AGPAT4: variants seen among roughly 807,000 people sequenced by gnomAD.
The protein encoded by AGPAT4 is 1-acyl-sn-glycerol-3-phosphate acyltransferase delta.
AGPAT4 carries 15 observed loss-of-function variants against 48.0 expected under a neutral mutation model. The observed-to-expected ratio is 0.31, with a 90% CI of 0.21 to 0.48. The LOEUF (loss-of-function observed/expected upper bound fraction) is 0.48, where lower values mean the gene tolerates loss of function less well. Among genes scored for constraint, AGPAT4 ranks in the 20% least tolerant of loss-of-function variants. AGPAT4 has a pLI of 0.99. For synonymous variants in AGPAT4, 178 were observed against 198.7 expected, an observed-to-expected ratio of 0.90 and a Z score of 0.88; for missense variants, 314 against 482.5, an observed-to-expected ratio of 0.65 and a Z score of 3.27.
In AGPAT4 at chr6:161,198,789, C is replaced by T. The variant is rs7770491; in HGVS notation, c.179-32372G>A. 0.19 allele frequency among the ~76,000 whole-genome samples: 28,213 copies of T among 152,084 alleles called. 4,831 individuals are homozygous for T. Among genetic ancestry groups the T allele is most frequent in the African/African-American group, 0.46 (18,987 of 41,446 alleles). On this transcript the variant is annotated intron_variant, in intron 2 of 8. Coordinates refer to ENST00000320285, the MANE Select transcript of AGPAT4 (RefSeq NM_020133.3). This position sits in a 1 kb window ranked among gnomAD's most constrained non-coding sequence, Gnocchi z 4.3. ...CACTGACGGAGTGCGTGAATGTTAA[C>T]AGGGAAACTGACCTGGAACGTATAT... is the stretch of plus-strand genomic sequence containing the variant.
chr6:161,167,747 C>T (rs1780147275), intron 2 of AGPAT4, among the ~76,000 whole-genome samples: 1 of 152,204 alleles, frequency 6.6e-6, no homozygotes, highest in African/African-American at 2.4e-5. Context: ...CATCACAGTC[C>T]AGTTTTTACG....
rs1222773758 is a variant in AGPAT4, at chr6:161,259,835, T to G, written c.-90+14103A>C. On this transcript the variant is annotated intron_variant, in intron 1 of 8. Transcript: ENST00000320285. The surrounding 1 kb of genome is among the most constrained non-coding windows in gnomAD (Gnocchi z 4.9). The stretch of plus-strand genomic sequence containing the variant: ...CCGGACAGGGGTCCACTTTTTACAA[T>G]GTCAGCACCTAGCTCCATGGTATCT... Among the ~76,000 whole-genome samples the G allele has an allele frequency of 6.6e-6, 1 of 152,120 alleles. No individual in the cohort carries two copies. The highest frequency in any genetic ancestry group is 1.5e-5 in the Non-Finnish European group (1 of 68,030).
rs1411685003 is a variant in AGPAT4, at chr6:161,130,539, G to A, written c.*6001C>T. Reference sequence around the variant, plus strand: ...CCTGGGTACAATTGATACAGGCTGAGAAGTAAGAATTCACTGTTCACTTAG... The same window carrying A: ...CCTGGGTACAATTGATACAGGCTGAAAAGTAAGAATTCACTGTTCACTTAG... On this transcript the variant is annotated 3_prime_UTR_variant, in exon 9 of 9. Transcript: ENST00000320285. 2 of 185,498 alleles carry A rather than the reference G, an allele frequency of 1.1e-5. No individual in the cohort carries two copies. Among genetic ancestry groups the A allele is most frequent in the Non-Finnish European group, 2.3e-5 (2 of 86,756 alleles). The allele number at this position is 185,498 out of a possible 1,614,324, so 11.5% of individuals were successfully genotyped here. A position where few individuals can be genotyped will look rare whatever the true frequency, so the allele number is the denominator to read the frequency against.
rs1308007485 is a variant in AGPAT4, at chr6:161,161,364, G to A, written c.348+4884C>T. Reference sequence around the variant, plus strand: ...TGGCCAGTGGTTCGCCTGCTACCTCGGTCGTCACCATTATCGGGTTCCTCA... The same window carrying A: ...TGGCCAGTGGTTCGCCTGCTACCTCAGTCGTCACCATTATCGGGTTCCTCA... On this transcript the variant is annotated intron_variant, in intron 3 of 8. Transcript: ENST00000320285. This position sits in a 1 kb window ranked among gnomAD's most constrained non-coding sequence, Gnocchi z 4.6. 8 of 456,572 alleles carry A rather than the reference G, an allele frequency of 1.8e-5. No individual in the cohort carries two copies. Among genetic ancestry groups the A allele is most frequent in the South Asian group, 4.6e-5 (3 of 64,572 alleles). 28.3% of individuals were successfully genotyped at this position (456,572 alleles called of 1,614,324 possible).
chr6:161,257,756 A>G (rs1249222322), intron 1 of AGPAT4, among the ~76,000 whole-genome samples: 1 of 152,206 alleles, frequency 6.6e-6, no homozygotes, highest in African/African-American at 2.4e-5. Context: ...AAAAAAAAGG[A>G]AAGACAGCGT....
chr6:161,131,677 T>A lies in AGPAT4; in HGVS notation c.*4863A>T, dbSNP rs1481630508. 2.0e-5 allele frequency: 3 copies of A among 152,136 alleles called. No individual in the cohort carries two copies. Among genetic ancestry groups the A allele is most frequent in the Non-Finnish European group, 4.4e-5 (3 of 68,018 alleles). The allele number at this position is 152,136 out of a possible 1,614,324, so 9.4% of individuals were successfully genotyped here. A position where few individuals can be genotyped will look rare whatever the true frequency, so the allele number is the denominator to read the frequency against. On this transcript the variant is annotated 3_prime_UTR_variant, in exon 9 of 9. Transcript: ENST00000320285. ...GAGGAGACACACTATGTAGGTGCAA[T>A]TTCTGATTTCTTAGTTTTTGACCAA...
intron 2 of AGPAT4, among the ~76,000 whole-genome samples, chr6:161,227,120 T>C (rs1782002076): frequency 6.6e-6 from 1 of 152,128 alleles, no homozygotes; most frequent in African/African-American, 2.4e-5. Flanking sequence ...AGTGAATCAG[T>C]CTGCTAGTGT....
At chr6:161,185,724 C>T (rs112974913) in intron 2 of AGPAT4, among the ~76,000 whole-genome samples, 2,337 of 152,230 alleles carry the variant, frequency 0.015, 55 homozygotes, top group African/African-American at 0.053. Context: ...ATGATCATCA[C>T]GGCAGAGGCA....
At position 161,133,776 on chromosome 6, in the gene AGPAT4, G is replaced by A. The variant is rs11759408; in HGVS notation, c.*2764C>T. The stretch of plus-strand genomic sequence containing the variant: ...AACTACAGAACAGGCTCTCAGTAGC[G>A]TGATAAGCTTTAAGCTAGAATGAGA... On this transcript the variant is annotated 3_prime_UTR_variant, in exon 9 of 9. Transcript: ENST00000320285. 5,320 of 152,334 alleles carry A rather than the reference G, an allele frequency of 0.035. 135 individuals carry two copies. The highest frequency in any genetic ancestry group is 0.085 in the South Asian group (411 of 4,834). The allele number at this position is 152,334 out of a possible 1,614,324, so 9.4% of individuals were successfully genotyped here. A position where few individuals can be genotyped will look rare whatever the true frequency, so the allele number is the denominator to read the frequency against.
intron 2 of AGPAT4, among the ~76,000 whole-genome samples, chr6:161,194,100 A>G (rs1780997900): frequency 6.6e-6 from 1 of 152,236 alleles, no homozygotes; most frequent in Non-Finnish European, 1.5e-5. Context: ...AAACTGAGAT[A>G]AGCTGTAGGC....
In AGPAT4 at chr6:161,245,729, G is replaced by A. The variant is rs1405257678; in HGVS notation, c.-89-13427C>T. Among the ~76,000 whole-genome samples, 1 of 152,096 alleles carries A rather than the reference G, an allele frequency of 6.6e-6. No individual in the cohort carries two copies. Among genetic ancestry groups the A allele is most frequent in the East Asian group, 1.9e-4 (1 of 5,182 alleles). On this transcript the variant is annotated intron_variant, in intron 1 of 8. Transcript: ENST00000320285. The surrounding 1 kb of genome is among the most constrained non-coding windows in gnomAD (Gnocchi z 5.2). ...AGTGCCCTCAATCCTTGAGTTCTTGGAGATCCTGTCATTGCCAATCCTAGT... is the reference window on the plus strand; with the variant it reads ...AGTGCCCTCAATCCTTGAGTTCTTGAAGATCCTGTCATTGCCAATCCTAGT...
chr6:161,156,044 G>A (rs1331233886), intron 3 of AGPAT4, among the ~76,000 whole-genome samples: 2 of 152,222 alleles, frequency 1.3e-5, no homozygotes, highest in Non-Finnish European at 2.9e-5. Context: ...GTTGGCCTCT[G>A]ATGACCTGCT....
rs752947512 is a variant in AGPAT4, at chr6:161,140,365, G to A, written c.844-745C>T. The stretch of plus-strand genomic sequence containing the variant: ...CTTCCACTAAGCAGATCCTTAGTGG[G>A]AACCATGTACTCATCCACATCCACC... On this transcript the variant is annotated intron_variant, in intron 7 of 8. Coordinates refer to ENST00000320285, the MANE Select transcript of AGPAT4 (RefSeq NM_020133.3). The surrounding 1 kb of genome is among the most constrained non-coding windows in gnomAD (Gnocchi z 6.5). 6.6e-6 allele frequency among the ~76,000 whole-genome samples: 1 copy of A among 152,204 alleles called. No homozygotes were observed. Among genetic ancestry groups the A allele is most frequent in the Non-Finnish European group, 1.5e-5 (1 of 68,024 alleles).
In AGPAT4 at chr6:161,259,211, A is replaced by C. The variant is rs1026324242; in HGVS notation, c.-90+14727T>G. Reference sequence around the variant, plus strand: ...TTAAATGAAGCTCGCTAACGTATCGATCACTTCCCATACTTATTTTTCTTA... The same window carrying C: ...TTAAATGAAGCTCGCTAACGTATCGCTCACTTCCCATACTTATTTTTCTTA... On this transcript the variant is annotated intron_variant, in intron 1 of 8. Coordinates refer to ENST00000320285, the MANE Select transcript of AGPAT4 (RefSeq NM_020133.3). This position sits in a 1 kb window ranked among gnomAD's most constrained non-coding sequence, Gnocchi z 4.9. Among the ~76,000 whole-genome samples, 1 of 152,182 alleles carries C rather than the reference A, an allele frequency of 6.6e-6. No individual in the cohort carries two copies. Among genetic ancestry groups the C allele is most frequent in the Non-Finnish European group, 1.5e-5 (1 of 68,022 alleles).
chr6:161,221,801 C>G lies in AGPAT4; in HGVS notation c.178+10235G>C, dbSNP rs1469957273. Among the ~76,000 whole-genome samples, 3 of 152,150 alleles carry G rather than the reference C, an allele frequency of 2.0e-5. No individual in the cohort carries two copies. Among genetic ancestry groups the G allele is most frequent in the Non-Finnish European group, 4.4e-5 (3 of 68,028 alleles). ...CTTGGCTTGCAGGGGATATTGTCCTCGTATCTTCACATCGTCTTCCTCTCT... is the reference window on the plus strand; with the variant it reads ...CTTGGCTTGCAGGGGATATTGTCCTGGTATCTTCACATCGTCTTCCTCTCT... On this transcript the variant is annotated intron_variant, in intron 2 of 8. Coordinates refer to ENST00000320285, the MANE Select transcript of AGPAT4 (RefSeq NM_020133.3). This position sits in a 1 kb window ranked among gnomAD's most constrained non-coding sequence, Gnocchi z 4.5.
At chr6:161,260,045 G>T (rs899451590) in intron 1 of AGPAT4, among the ~76,000 whole-genome samples, 1 of 152,126 alleles carries the variant, frequency 6.6e-6, no homozygotes, top group Admixed American at 6.5e-5. Flanking sequence ...AACAAGCCAA[G>T]AACAGCATGT....
At chr6:161,253,080 G>T (rs1244606368) in intron 1 of AGPAT4, among the ~76,000 whole-genome samples, 1 of 151,116 alleles carries the variant, frequency 6.6e-6, no homozygotes, top group Non-Finnish European at 1.5e-5. Flanking sequence ...TGGCATGGTG[G>T]TGGGCACCTG....
Position 161,165,505 on chromosome 6 carries a change from G to A in AGPAT4, c.348+743C>T. ...TGCAAAACCTGATCTCTAAGTTCTG[G>A]TGCAAACTCTTAGGACCTTTCCTAG... On this transcript the variant is annotated intron_variant, in intron 3 of 8. Transcript: ENST00000320285. The surrounding 1 kb of genome is among the most constrained non-coding windows in gnomAD (Gnocchi z 5.5). The A allele has an allele frequency of 9.9e-7, 1 of 1,013,508 alleles. No homozygotes were observed. The highest frequency in any genetic ancestry group is 1.3e-6 in the Non-Finnish European group (1 of 786,860). 62.8% of individuals were successfully genotyped at this position (1,013,508 alleles called of 1,614,324 possible).
At position 161,164,555 on chromosome 6, in the gene AGPAT4, C is replaced by T. The variant is rs553107170; in HGVS notation, c.348+1693G>A. Among the ~76,000 whole-genome samples the T allele has an allele frequency of 2.0e-5, 3 of 152,292 alleles. No homozygotes were observed. Among genetic ancestry groups the T allele is most frequent in the South Asian group, 2.1e-4 (1 of 4,824 alleles). On this transcript the variant is annotated intron_variant, in intron 3 of 8. Coordinates refer to ENST00000320285, the MANE Select transcript of AGPAT4 (RefSeq NM_020133.3). The surrounding 1 kb of genome is among the most constrained non-coding windows in gnomAD (Gnocchi z 7.4). The stretch of plus-strand genomic sequence containing the variant: ...GCCCCAGGGCCCCTGCTTTTGTGCC[C>T]CCAACATCTTCCAGGGGAAAGAGCA...
Sources: allele counts gnomAD v4.1 joint callset (sites outside exome capture counted in the v4.1 genomes callset), GRCh38; gene constraint gnomAD v4.1.1; non-coding constraint Gnocchi (gnomAD v3.1); transcripts MANE v1.5; gene names NCBI Gene and HGNC (gene_info 2026-07-23, HGNC 2026-07-21).